CHRDL1: variants seen among roughly 807,000 people sequenced by gnomAD.
CHRDL1 encodes chordin like 1.
In CHRDL1, 19 loss-of-function variants were observed where a neutral mutation model predicts 40.9. The observed-to-expected ratio is 0.46, with a 90% CI of 0.32 to 0.68. CHRDL1 has a LOEUF of 0.68. Among genes scored for constraint, CHRDL1 ranks in the 30% least tolerant of loss-of-function variants. The pLI, the probability that CHRDL1 is intolerant of heterozygous loss-of-function variation, is 0.03. For missense variants in CHRDL1, 329 were observed against 352.1 expected, an observed-to-expected ratio of 0.93 and a Z score of 0.53; for synonymous variants, 136 against 123.4, an observed-to-expected ratio of 1.10 and a Z score of -0.68.
chrX:110,791,890 A>C (rs1160058045), intron 2 of CHRDL1, among the ~76,000 whole-genome samples, 198 bp downstream of exon 2: 1 of 111,964 alleles, frequency 8.9e-6, no homozygotes, highest in Non-Finnish European at 1.9e-5. Context: ...TAATCAGAAA[A>C]ACAGCCCCAA....
intron 6 of CHRDL1, among the ~76,000 whole-genome samples, chrX:110,716,277 A>C (rs180799155): frequency 1.8e-5 from 2 of 110,811 alleles, no homozygotes; most frequent in Admixed American, 9.7e-5. Context: ...AATGCACAAC[A>C]ACCATATTCT....
intron 4 of CHRDL1, among the ~76,000 whole-genome samples, chrX:110,740,764 A>G (rs1211578275): frequency 1.8e-5 from 2 of 111,828 alleles, no homozygotes; most frequent in Non-Finnish European, 3.8e-5. Context: ...ATGCTTAAGC[A>G]CTCTAGCAGC....
At chrX:110,794,776 A>C (rs930903495) in intron 1 of CHRDL1, among the ~76,000 whole-genome samples, 1 of 112,206 alleles carries the variant, frequency 8.9e-6, no homozygotes, top group Admixed American at 9.3e-5. Flanking sequence ...TTCACGCCCC[A>C]CAGTGTCTCT....
At chrX:110,728,770 G>A (rs910170495) in intron 4 of CHRDL1, among the ~76,000 whole-genome samples, 2 of 112,113 alleles carry the variant, frequency 1.8e-5, no homozygotes, top group African/African-American at 3.2e-5. Flanking sequence ...GCAGCTGGGA[G>A]CTAGCTGCAT....
intron 4 of CHRDL1, among the ~76,000 whole-genome samples, chrX:110,724,544 C>T (rs1569472731): frequency 1.8e-5 from 2 of 108,759 alleles, no homozygotes; most frequent in African/African-American, 3.4e-5. Context: ...GTGTGTATCT[C>T]GGGGGTGGGG....
intron 8 of CHRDL1, among the ~76,000 whole-genome samples, chrX:110,689,072 G>GTATATATATATATATA (rs758293619): frequency 9.6e-5 from 3 of 31,187 alleles, no homozygotes; most frequent in African/African-American, 4.9e-4. Context: ...ATATATATAT[G>GTATATATATATATATA]TATATATATA....
chrX:110,678,705 C>T (rs1358455099), intron 11 of CHRDL1, among the ~76,000 whole-genome samples: 6 of 111,353 alleles, frequency 5.4e-5, no homozygotes, highest in African/African-American at 2.0e-4. Context: ...CTGTCTCATC[C>T]ATTATAATTC....
rs564507688 is a variant in CHRDL1 at position 110,777,534 on chromosome X, G to C, written c.94+14554C>G. On this transcript the variant is annotated intron_variant, in intron 2 of 11. Coordinates refer to ENST00000372042, the MANE Select transcript of CHRDL1 (RefSeq NM_001143981.2). Reference sequence around the variant, plus strand: ...TGGTGTTGTCAGTGTTCTGGATTTTGGCAATTCTATAATAATAGGTGTGTA... The same window carrying C: ...TGGTGTTGTCAGTGTTCTGGATTTTCGCAATTCTATAATAATAGGTGTGTA... Among the ~76,000 whole-genome samples, 18 of 111,402 alleles carry C rather than the reference G, an allele frequency of 1.6e-4. No individual in the cohort carries two copies. In the South Asian group the frequency reaches 6.7e-3, roughly 41 times the overall value.
intron 4 of CHRDL1, among the ~76,000 whole-genome samples, chrX:110,726,705 T>C (rs754914567): frequency 3.6e-5 from 4 of 111,850 alleles, no homozygotes; most frequent in Non-Finnish European, 7.5e-5. Context: ...CAATAAATGG[T>C]AGATGATCTT....
intron 1 of CHRDL1, 172 bp downstream of exon 1, chrX:110,795,572 C>T (rs1306568732): frequency 9.0e-6 from 1 of 111,597 alleles, no homozygotes; most frequent in Non-Finnish European, 1.9e-5. Flanking sequence ...TTGGGCCCCA[C>T]CTCCATCCAG....
rs1182796674 is a variant in CHRDL1, at chrX:110,719,912, C to T, written c.464G>A (p.Cys155Tyr). Residue 155 changes from cysteine (C) to tyrosine (Y), a missense_variant, in exon 6 of 12, where the codon TGT becomes TAT. Physicochemically the swap from Cys to Tyr is radical, Grantham distance 194. Coordinates refer to ENST00000372042, the MANE Select transcript of CHRDL1 (RefSeq NM_001143981.2). ...TAATTTGGGGCAAGTCTTGAGACCA[C>T]AATACACGTTTCCCTCCTGCCAAGG... ...QCSCSEGNVY[C>Y]GLKTCPKLTC... 2 of 1,186,712 alleles carry T rather than the reference C, an allele frequency of 1.7e-6. No homozygotes were observed. Among genetic ancestry groups the T allele is most frequent in the Non-Finnish European group, 2.3e-6 (2 of 875,377 alleles).
Position 110,676,216 on chromosome X carries a change from T to C in CHRDL1, c.*15A>G. The C allele has an allele frequency of 1.7e-6, 2 of 1,207,006 alleles. No homozygotes were observed. The highest frequency in any genetic ancestry group is 3.5e-5 in the South Asian group (2 of 56,344). ...AGTTTTCTTGCTTTACCCTATCCAA[T>C]ACTGTCTGTCTTGCCTAACAGTGGC... On this transcript the variant is annotated 3_prime_UTR_variant, in exon 12 of 12. Coordinates refer to ENST00000372042, the MANE Select transcript of CHRDL1 (RefSeq NM_001143981.2).
At chrX:110,795,698 T>C (rs1043628986) in intron 1 of CHRDL1, 46 bp downstream of exon 1, 1 of 112,034 alleles carries the variant, frequency 8.9e-6, no homozygotes, top group African/African-American at 3.3e-5. Flanking sequence ...GTGCAAAGGC[T>C]GGAAAAGGAG....
At chrX:110,727,732 G>C (rs1251732087) in intron 4 of CHRDL1, among the ~76,000 whole-genome samples, 1 of 112,124 alleles carries the variant, frequency 8.9e-6, no homozygotes, top group Non-Finnish European at 1.9e-5. Context: ...CACTCTCTTG[G>C]TAAGTCTGTG....
intron 9 of CHRDL1, 44 bp downstream of exon 9, chrX:110,688,550 T>G: frequency 1.1e-6 from 1 of 942,069 alleles, no homozygotes; most frequent in Non-Finnish European, 1.5e-6. Context: ...AAAGACTAGG[T>G]GAGAATCTCA....
intron 2 of CHRDL1, among the ~76,000 whole-genome samples, chrX:110,789,632 T>C (rs1157409462): frequency 1.8e-5 from 2 of 112,252 alleles, no homozygotes; most frequent in Non-Finnish European, 3.8e-5. Flanking sequence ...ACACACATTA[T>C]TGAGCAAAAG....
intron 2 of CHRDL1, among the ~76,000 whole-genome samples, chrX:110,780,125 T>C (rs2089917167): frequency 1.8e-5 from 2 of 111,242 alleles, no homozygotes; most frequent in African/African-American, 6.5e-5. Context: ...ATGTCATCTA[T>C]GAACAAAGGT....
chrX:110,717,721 T>C (rs184866841), intron 6 of CHRDL1, among the ~76,000 whole-genome samples: 1 of 112,394 alleles, frequency 8.9e-6, no homozygotes, highest in East Asian at 2.8e-4. Flanking sequence ...GACTGACATA[T>C]AGTAAGTCCA....
intron 4 of CHRDL1, among the ~76,000 whole-genome samples, chrX:110,758,186 T>C (rs1397713273): frequency 1.9e-5 from 2 of 106,509 alleles, no homozygotes; most frequent in Admixed American, 1.0e-4. Flanking sequence ...AGAAACATTG[T>C]TCCCATTTAC....
Sources: allele counts gnomAD v4.1 joint callset (sites outside exome capture counted in the v4.1 genomes callset), GRCh38; gene constraint gnomAD v4.1.1; transcripts MANE v1.5; gene names NCBI Gene and HGNC (gene_info 2026-07-23, HGNC 2026-07-21).